ARHGEF11: variants seen among roughly 807,000 people sequenced by gnomAD.
ARHGEF11 encodes the protein Rho guanine exchange factor (GEF) 11.
ARHGEF11 carries 55 observed loss-of-function variants against 193.7 expected under a neutral mutation model. The observed-to-expected ratio is 0.28, with a 90% CI of 0.23 to 0.36. The LOEUF (loss-of-function observed/expected upper bound fraction) is 0.36. Among genes scored for constraint, ARHGEF11 ranks in the 10% least tolerant of loss-of-function variants. The probability of loss-of-function intolerance (pLI) is 1.00; values close to 1 mark genes in which losing one functional copy is unlikely to be tolerated. For synonymous variants in ARHGEF11, 693 were observed against 768.0 expected (o/e 0.90, Z 1.62); for missense variants, 1,723 against 2,005.6 (o/e 0.86, Z 2.69).
At chr1:156,996,688 G>T (rs1274031078) in intron 1 of ARHGEF11, among the ~76,000 whole-genome samples, 1 of 148,636 alleles carries the variant, frequency 6.7e-6, no homozygotes, top group Non-Finnish European at 1.5e-5. Context: ...CAGGAGAATG[G>T]CGTGAACCCG....
intron 18 of ARHGEF11, 39 bp downstream of exon 18, chr1:156,957,753 A>C (rs776979294): frequency 6.2e-7 from 1 of 1,609,966 alleles, no homozygotes; most frequent in South Asian, 1.1e-5. Flanking sequence ...CACTCCTTCC[A>C]CCTTGAAAGC....
At chr1:157,017,706 CAAAAAAAAAAAAA>C (rs1047573559) in intron 1 of ARHGEF11, among the ~76,000 whole-genome samples, 23 of 41,544 alleles carry the variant, frequency 5.5e-4, no homozygotes, top group African/African-American at 1.8e-3. Flanking sequence ...GACTCCGTCT[CAAAAAAAAAAAAA>C]AAAAAAAAAA....
chr1:156,978,663 C>T (rs1236011874), intron 5 of ARHGEF11, among the ~76,000 whole-genome samples: 1 of 152,220 alleles, frequency 6.6e-6, no homozygotes. Context: ...TTGTTTCCCC[C>T]TTTATCTCAC....
chr1:156,980,551 C>T (rs2102414445), intron 3 of ARHGEF11, 65 bp from the exon 4 acceptor site: 2 of 1,516,008 alleles, frequency 1.3e-6, no homozygotes, highest in Non-Finnish European at 1.8e-6. Context: ...CACGAAGGTC[C>T]CTGTCAGATC....
In ARHGEF11 at chr1:157,035,845, G is replaced by GGAA. The variant is rs1253431534; in HGVS notation, c.32+8453_32+8454insTTC. On this transcript the variant is annotated intron_variant, in intron 1 of 40. Transcript: ENST00000368194. ...GAATATATATATGGAATATATATAT[G>GGAA]TATATATTTAGGAATATATATAGGA... 1.7e-3 allele frequency among the ~76,000 whole-genome samples: 201 copies of GGAA among 119,420 alleles called. 13 individuals carry two copies. The highest frequency in any genetic ancestry group is 5.6e-3 in the Middle Eastern group (1 of 178). 78.3% of individuals were successfully genotyped at this position (119,420 alleles called of 152,430 possible). A position where few individuals can be genotyped will look rare whatever the true frequency, so the allele number is the denominator to read the frequency against.
intron 3 of ARHGEF11, among the ~76,000 whole-genome samples, chr1:156,981,200 TA>T (rs565263003): frequency 0.028 from 4,026 of 141,676 alleles, 71 homozygotes; most frequent in South Asian, 0.058. Context: ...CCTGGCTAAT[TA>T]AAAAAAAAAA....
At chr1:156,983,040 C>G (rs945786781) in intron 3 of ARHGEF11, among the ~76,000 whole-genome samples, 24 of 152,138 alleles carry the variant, frequency 1.6e-4, no homozygotes, top group African/African-American at 5.8e-4. Context: ...ATTTTCCCTC[C>G]TGCTCTGCAC....
chr1:157,029,314 G>C (rs1022755461), intron 1 of ARHGEF11, among the ~76,000 whole-genome samples: 3 of 151,314 alleles, frequency 2.0e-5, no homozygotes, highest in African/African-American at 7.3e-5. Flanking sequence ...CTGTTGCCCA[G>C]GCTAGAGTAC....
chr1:156,996,772 C>CAAAAA (rs66730438), intron 1 of ARHGEF11, among the ~76,000 whole-genome samples: 455 of 38,462 alleles, frequency 0.012, 14 homozygotes, highest in African/African-American at 0.027. Context: ...GACTCTGTCT[C>CAAAAA]AAAAAAAAAA....
intron 1 of ARHGEF11, among the ~76,000 whole-genome samples, chr1:157,039,694 G>T (rs1389264466): frequency 6.6e-6 from 1 of 152,124 alleles, no homozygotes. Context: ...ATATCTTTGA[G>T]TTAAGCTTAA....
rs539908449 is a variant in ARHGEF11, at chr1:157,044,423, A to G, written c.-93T>C. 5.9e-6 allele frequency: 7 copies of G among 1,194,532 alleles called. 1 individual carries two copies. In the East Asian group the frequency reaches 1.6e-4, roughly 28 times the overall value. The allele number at this position is 1,194,532 out of a possible 1,614,324, so 74.0% of individuals were successfully genotyped here. On this transcript the variant is annotated 5_prime_UTR_variant, in exon 1 of 41. Transcript: ENST00000368194. ...TGCAATTTTTGAGCAAGGTGAGAGG[A>G]GGGCCTCCCAACTTGAAGATAGAAT... is the stretch of plus-strand genomic sequence containing the variant.
intron 39 of ARHGEF11, 62 bp from the exon 40 acceptor site, chr1:156,937,067 G>A (rs1159227950): frequency 2.6e-5 from 41 of 1,588,220 alleles, no homozygotes; most frequent in Non-Finnish European, 3.3e-5. Flanking sequence ...CCCTGGGGAA[G>A]GGGTCTGTGC....
intron 1 of ARHGEF11, among the ~76,000 whole-genome samples, chr1:157,026,189 G>T (rs1364673241): frequency 1.3e-5 from 2 of 152,210 alleles, no homozygotes; most frequent in South Asian, 2.1e-4. Context: ...GCATCTGCCT[G>T]TTCTCTCCTC....
intron 3 of ARHGEF11, among the ~76,000 whole-genome samples, chr1:156,981,378 T>C (rs1664149351): frequency 6.6e-6 from 1 of 152,140 alleles, no homozygotes; most frequent in Non-Finnish European, 1.5e-5. Flanking sequence ...AATTAAGAGC[T>C]TCTGATGGTG....
At chr1:157,027,898 T>C (rs1375206366) in intron 1 of ARHGEF11, among the ~76,000 whole-genome samples, 1 of 152,122 alleles carries the variant, frequency 6.6e-6, no homozygotes, top group East Asian at 1.9e-4. Context: ...AGAAAGATAA[T>C]CTAGAGATTC....
intron 19 of ARHGEF11, 91 bp downstream of exon 19, chr1:156,956,327 GCT>G: frequency 3.0e-6 from 4 of 1,334,624 alleles, no homozygotes; most frequent in Non-Finnish European, 3.2e-6. Context: ...TGTTGCCCAG[GCT>G]GGTCTCGAAC....
chr1:156,997,436 G>C (rs935494736), intron 1 of ARHGEF11, among the ~76,000 whole-genome samples: 14 of 152,314 alleles, frequency 9.2e-5, no homozygotes, highest in Admixed American at 5.2e-4. Context: ...ATCAGGTTTA[G>C]CCTTTAAAAA....
intron 1 of ARHGEF11, among the ~76,000 whole-genome samples, chr1:156,995,624 C>T (rs1014308577): frequency 6.6e-6 from 1 of 150,466 alleles, no homozygotes; most frequent in African/African-American, 2.4e-5. Context: ...GATGCAATCA[C>T]GGCTCACTGC....
intron 36 of ARHGEF11, 62 bp from the exon 37 acceptor site, chr1:156,939,972 G>A (rs904597968): frequency 1.2e-5 from 19 of 1,576,946 alleles, no homozygotes; most frequent in Middle Eastern, 2.0e-4. Context: ...CAGAAGGATC[G>A]TTGTACTGCC....
Sources: allele counts gnomAD v4.1 joint callset (sites outside exome capture counted in the v4.1 genomes callset), GRCh38; gene constraint gnomAD v4.1.1; transcripts MANE v1.5; gene names NCBI Gene and HGNC (gene_info 2026-07-23, HGNC 2026-07-21).